The following GALNT2 variants were observed in gnomAD, a reference collection of about 807,000 sequenced individuals.
GALNT2 encodes UDP-GalNAc:polypeptide N-acetylgalactosaminyltransferase 2.
GALNT2 carries 31 observed loss-of-function variants against 81.4 expected under a neutral mutation model. That is an observed-to-expected ratio of 0.38 (90% confidence interval 0.29 to 0.51). The LOEUF (loss-of-function observed/expected upper bound fraction) is 0.51, where lower values mean the gene tolerates loss of function less well. Ranked by LOEUF, GALNT2 falls within the 20% of genes least tolerant of loss-of-function variation. The pLI, the probability that GALNT2 is intolerant of heterozygous loss-of-function variation, is 0.87. For synonymous variants in GALNT2, 303 were observed against 287.4 expected, an observed-to-expected ratio of 1.05 and a Z score of -0.55; for missense variants, 629 against 765.7, an observed-to-expected ratio of 0.82 and a Z score of 2.11.
intron 2 of GALNT2, among the ~76,000 whole-genome samples, chr1:230,186,201 G>C (rs1415698052): frequency 6.6e-6 from 1 of 152,204 alleles, no homozygotes; most frequent in African/African-American, 2.4e-5. Flanking sequence ...GAGAGTGTTT[G>C]CACGTTGTGT....
At chr1:230,133,767 C>A (rs1384798621) in intron 1 of GALNT2, among the ~76,000 whole-genome samples, 1 of 152,112 alleles carries the variant, frequency 6.6e-6, no homozygotes, top group Non-Finnish European at 1.5e-5. Flanking sequence ...ATTTTGATTT[C>A]TTTAGTTCCC....
rs1429490496 is a variant in GALNT2 at position 230,249,239 on chromosome 1, G to T, written c.873G>T (p.Arg291Ser). 1 of 1,614,136 alleles carries T rather than the reference G, an allele frequency of 6.2e-7. No homozygotes were observed. The highest frequency in any genetic ancestry group is 1.7e-5 in the Admixed American group (1 of 60,020). Reference sequence around the variant, plus strand: ...ATTACATGACGCCTGAGCAGAGAAGGTCCCGGCAGGGGAACCCAGTCGCCC... The same window carrying T: ...ATTACATGACGCCTGAGCAGAGAAGTTCCCGGCAGGGGAACCCAGTCGCCC... ...KWDYMTPEQR[R>S]SRQGNPVAPI... Residue 291 changes from arginine (R) to serine (S), a missense_variant, in exon 9 of 16, where the codon AGG (arginine) becomes AGT (serine). By Grantham distance (110) the Arg-to-Ser change is moderately radical (BLOSUM62 -1). This residue lies in a region of GALNT2 where 360 missense variants were observed against 492.8 expected (regional missense o/e 0.73). Transcript: ENST00000366672.
At chr1:230,151,022 T>C (rs1485308523) in intron 1 of GALNT2, among the ~76,000 whole-genome samples, 1 of 152,238 alleles carries the variant, frequency 6.6e-6, no homozygotes, top group African/African-American at 2.4e-5. Flanking sequence ...TTTGTGTGAC[T>C]TGTTGAACTC....
chr1:230,194,170 G>A (rs1663615476), intron 2 of GALNT2, among the ~76,000 whole-genome samples: 1 of 152,312 alleles, frequency 6.6e-6, no homozygotes, highest in East Asian at 1.9e-4. Flanking sequence ...GAATGATAGC[G>A]GGTGTGATGA....
At position 230,142,685 on chromosome 1, in the gene GALNT2, C is replaced by G. The variant is rs377445652; in HGVS notation, c.127-35533C>G. Reference sequence around the variant, plus strand: ...GTGAGTCTGGAAGTCTAAAGTGTAACTTTCCTAAGCTGGTCGTTGCCTGCT... The same window carrying G: ...GTGAGTCTGGAAGTCTAAAGTGTAAGTTTCCTAAGCTGGTCGTTGCCTGCT... On this transcript the variant is annotated intron_variant, in intron 1 of 15. Coordinates refer to ENST00000366672, the MANE Select transcript of GALNT2 (RefSeq NM_004481.5). Among the ~76,000 whole-genome samples, 4 of 149,722 alleles carry G rather than the reference C, an allele frequency of 2.7e-5. No homozygotes were observed. In the South Asian group the frequency reaches 6.5e-4, roughly 24 times the overall value.
chr1:230,175,910 A>T (rs1320955879), intron 1 of GALNT2, among the ~76,000 whole-genome samples: 2 of 152,032 alleles, frequency 1.3e-5, no homozygotes, highest in East Asian at 1.9e-4. Flanking sequence ...AAAGGGCCAG[A>T]TTTAGCTTTT....
intron 1 of GALNT2, among the ~76,000 whole-genome samples, chr1:230,136,387 G>T (rs1661541860): frequency 6.6e-6 from 1 of 152,184 alleles, no homozygotes; most frequent in South Asian, 2.1e-4. Context: ...AGTGGGGCCT[G>T]TTCCTGGTGG....
Position 230,262,579 on chromosome 1 carries a change from C to T in GALNT2, c.1143C>T (p.Thr381=). ...GGSGTVFARN[T]RRAAEVWMDE... Reference sequence around the variant, plus strand: ...AGATTTATTTTCTTTCTAGAAACACCCGCCGGGCAGCAGAGGTCTGGATGG... The same window carrying T: ...AGATTTATTTTCTTTCTAGAAACACTCGCCGGGCAGCAGAGGTCTGGATGG... Residue 381 remains threonine, a synonymous_variant, in exon 12 of 16, where the codon ACC becomes ACT. Coordinates refer to ENST00000366672, the MANE Select transcript of GALNT2 (RefSeq NM_004481.5). 1 of 1,613,682 alleles carries T rather than the reference C, an allele frequency of 6.2e-7. No homozygotes were observed. Among genetic ancestry groups the T allele is most frequent in the Non-Finnish European group, 8.5e-7 (1 of 1,179,630 alleles).
At chr1:230,061,074 A>G (rs1659035216) in intron 1 of GALNT2, among the ~76,000 whole-genome samples, 1 of 152,150 alleles carries the variant, frequency 6.6e-6, no homozygotes, top group Admixed American at 6.5e-5. Flanking sequence ...AGAAACCAAG[A>G]TCTGGGTGCA....
At chr1:230,176,545 A>G (rs575298717) in intron 1 of GALNT2, among the ~76,000 whole-genome samples, 2 of 152,320 alleles carry the variant, frequency 1.3e-5, no homozygotes, top group African/African-American at 4.8e-5. Context: ...ATAAAAATTA[A>G]TGCGTAATTA....
At chr1:230,122,473 G>A (rs1281430701) in intron 1 of GALNT2, among the ~76,000 whole-genome samples, 1 of 152,042 alleles carries the variant, frequency 6.6e-6, no homozygotes, top group Non-Finnish European at 1.5e-5. Context: ...TAGCATGTTG[G>A]GACAAGTGTT....
chr1:230,132,131 G>GT (rs1661387693), intron 1 of GALNT2, among the ~76,000 whole-genome samples: 2 of 152,064 alleles, frequency 1.3e-5, no homozygotes, highest in Non-Finnish European at 2.9e-5. Flanking sequence ...AGTTACTTTT[G>GT]TTTTTTGTTA....
intron 1 of GALNT2, among the ~76,000 whole-genome samples, chr1:230,135,378 C>T (rs1377466331): frequency 6.6e-6 from 1 of 151,240 alleles, no homozygotes. Flanking sequence ...ATGCATGTTT[C>T]AGAAGAGAAA....
rs540185913 is a variant in GALNT2, at chr1:230,058,326, G to A, written n.89+248G>A. On this transcript the variant is annotated intron_variant and non_coding_transcript_variant, in intron 1 of 6. Coordinates refer to the GALNT2 transcript ENST00000494106. ...GCCTGAGATGAGAGGGTTACACAGC[G>A]GGGAAGGTGGGAACAAGAAGACTGC... Among the ~76,000 whole-genome samples the A allele has an allele frequency of 3.3e-5, 5 of 152,264 alleles. No individual in the cohort carries two copies. In the South Asian group the frequency reaches 6.2e-4, roughly 19 times the overall value.
At chr1:230,263,150 A>T in intron 13 of GALNT2, 145 bp downstream of exon 13, 1 of 666,100 alleles carries the variant, frequency 1.5e-6, no homozygotes, top group East Asian at 2.7e-5. Context: ...GTCTCACTCC[A>T]TGGTGTGGAG....
chr1:230,203,146 G>A lies in GALNT2; in HGVS notation c.230G>A (p.Arg77Gln), dbSNP rs184261638. 5.6e-6 allele frequency: 9 copies of A among 1,613,866 alleles called. No homozygotes were observed. In the East Asian group the frequency reaches 1.3e-4, roughly 24 times the overall value. ...SMETLPPGKV[R>Q]WPDFNQEAYV... is the part of the protein sequence containing the mutation. ...GCTCTGCTCTTTTTAGGGAAAGTAC[G>A]GTGGCCAGACTTTAACCAGGAAGCT... The change falls in exon 3 of 16, where the codon CGG becomes CAG. Residue 77 changes from arginine to glutamine, a missense_variant. Arg to Gln is a conservative substitution (Grantham distance 43). Around this residue, in one of 3 missense-constraint regions of GALNT2, gnomAD observed 360 missense variants for 492.8 expected, o/e 0.73. Coordinates refer to ENST00000366672, the MANE Select transcript of GALNT2 (RefSeq NM_004481.5).
At chr1:230,202,722 A>T (rs1043182315) in intron 2 of GALNT2, among the ~76,000 whole-genome samples, 1 of 152,220 alleles carries the variant, frequency 6.6e-6, no homozygotes, top group Non-Finnish European at 1.5e-5. Context: ...CTGATGTTAC[A>T]TGATGGAATA....
intron 1 of GALNT2, among the ~76,000 whole-genome samples, chr1:230,150,161 A>G (rs1662048327): frequency 6.6e-6 from 1 of 152,178 alleles, no homozygotes; most frequent in South Asian, 2.1e-4. Flanking sequence ...CTTAAAAGAC[A>G]TGCACTGGCT....
At chr1:230,128,906 G>C (rs1661281003) in intron 1 of GALNT2, among the ~76,000 whole-genome samples, 1 of 152,220 alleles carries the variant, frequency 6.6e-6, no homozygotes, top group Non-Finnish European at 1.5e-5. Context: ...GTTGAGAGCA[G>C]CTCAGCCTGG....
Sources: gnomAD v4.1 joint callset for allele counts (sites outside exome capture counted in the v4.1 genomes callset) on GRCh38, gnomAD v4.1.1 for gene constraint, gnomAD v4.1.1 regional missense constraint, MANE v1.5 for transcripts, NCBI Gene and HGNC (gene_info 2026-07-23, HGNC 2026-07-21) for gene names.